TEKT5: variants seen among roughly 807,000 people sequenced by gnomAD.
TEKT5 encodes the protein tektin-5.
TEKT5 carries 52 observed loss-of-function variants against 48.7 expected under a neutral mutation model. The ratio of observed to expected loss-of-function variants is 1.07; its 90% CI spans 0.86 to 1.35. The LOEUF is 1.35. TEKT5 is among the 40% of genes most tolerant of loss of function. TEKT5 has a pLI of 0.00. For synonymous variants in TEKT5, 318 were observed against 267.6 expected, an observed-to-expected ratio of 1.19 and a Z score of -1.84; for missense variants, 831 against 641.6, an observed-to-expected ratio of 1.30 and a Z score of -3.19.
At chr16:10,641,055 T>A (rs1338673461) in intron 5 of TEKT5, among the ~76,000 whole-genome samples, 2 of 152,152 alleles carry the variant, frequency 1.3e-5, no homozygotes, top group Non-Finnish European at 2.9e-5. Context: ...ACTGTCAAAG[T>A]TTTCCCCCAG....
intron 5 of TEKT5, among the ~76,000 whole-genome samples, chr16:10,661,200 C>T (rs990786920): frequency 4.6e-5 from 7 of 152,152 alleles, no homozygotes; most frequent in Non-Finnish European, 1.0e-4. Context: ...GGGATTTGGC[C>T]CTTGGGGCTG....
At chr16:10,636,811 C>CATTATTATTATTATTATTATT (rs143109867) in intron 5 of TEKT5, among the ~76,000 whole-genome samples, 84 of 147,170 alleles carry the variant, frequency 5.7e-4, no homozygotes, top group African/African-American at 2.0e-3. Context: ...ATGTATTTTC[C>CATTATTATTATTATTATTATT]ATTATTATTA....
Position 10,694,292 on chromosome 16 carries a change from C to A in TEKT5, c.564+18G>T, listed in dbSNP as rs879164506. ...CCCCAGGACACAGCCACAGCCCTGT[C>A]CCCACCCCTGTACTCACCTGCAATG... On this transcript the variant is annotated intron_variant, in intron 1 of 6. Transcript: ENST00000283025. 3 of 1,555,412 alleles carry A rather than the reference C, an allele frequency of 1.9e-6. No individual in the cohort carries two copies. The highest frequency in any genetic ancestry group is 2.4e-5 in the South Asian group (2 of 81,672).
intron 6 of TEKT5, among the ~76,000 whole-genome samples, chr16:10,634,624 C>T (rs1897887466): frequency 6.6e-6 from 1 of 152,144 alleles, no homozygotes; most frequent in African/African-American, 2.4e-5. Context: ...TAAAGAAGAG[C>T]ATGCAGAAAG....
At chr16:10,691,373 G>A (rs1436352336) in intron 1 of TEKT5, 2 of 152,396 alleles carry the variant, frequency 1.3e-5, no homozygotes, top group Non-Finnish European at 2.9e-5. Flanking sequence ...CTGTGTGAAG[G>A]GCCAAGAGGA....
chr16:10,666,395 T>G (rs1329064127), intron 5 of TEKT5, among the ~76,000 whole-genome samples: 2 of 152,180 alleles, frequency 1.3e-5, no homozygotes, highest in African/African-American at 4.8e-5. Flanking sequence ...ACTACTGACA[T>G]TCAGGCCCAA....
rs1011918094 is a variant in TEKT5 at position 10,689,253 on chromosome 16, C to T, written c.719G>A (p.Arg240Gln). 1.1e-5 allele frequency: 17 copies of T among 1,602,764 alleles called. No homozygotes were observed. Among genetic ancestry groups the T allele is most frequent in the South Asian group, 3.4e-5 (3 of 88,114 alleles). Reference protein sequence around the residue: ...KLAQRIDIQMRDNRDAQHVLE... With the variant: ...KLAQRIDIQMQDNRDAQHVLE... Reference sequence around the variant, plus strand: ...AATTAAAAAAAAAAAAAGCCCTTACCGCATCTGGATATCAATTCTTTGAGC... The same window carrying T: ...AATTAAAAAAAAAAAAAGCCCTTACTGCATCTGGATATCAATTCTTTGAGC... Residue 240 changes from arginine to glutamine, a missense_variant and splice_region_variant, in exon 3 of 7, where the codon CGG becomes CAG. Arg to Gln is a conservative substitution (Grantham distance 43, BLOSUM62 1). Coordinates refer to ENST00000283025, the MANE Select transcript of TEKT5 (RefSeq NM_144674.2).
At chr16:10,686,801 C>A (rs1202646777) in intron 3 of TEKT5, among the ~76,000 whole-genome samples, 1 of 152,126 alleles carries the variant, frequency 6.6e-6, no homozygotes, top group Admixed American at 6.5e-5. Flanking sequence ...TATTGCGGCA[C>A]AATTTACGAT....
rs1379279890 is a variant in TEKT5 at position 10,643,571 on chromosome 16, C to T, written c.1087-7653G>A. 5.9e-5 allele frequency among the ~76,000 whole-genome samples: 9 copies of T among 151,986 alleles called. No homozygotes were observed. The East Asian group carries it at 1.7e-3, about 29-fold the overall frequency. On this transcript the variant is annotated intron_variant, in intron 5 of 6. Transcript: ENST00000283025. ...GTTAAGCCCTTGAATGTGGCTAGTG[C>T]AAATTGAGATGAGCCGTAAGTAAGC...
At chr16:10,664,496 A>C (rs1295030949) in intron 5 of TEKT5, among the ~76,000 whole-genome samples, 1 of 152,198 alleles carries the variant, frequency 6.6e-6, no homozygotes, top group Non-Finnish European at 1.5e-5. Context: ...ACTGGTCTGA[A>C]GACCTAACTT....
chr16:10,664,718 T>G (rs1343137175), intron 5 of TEKT5, among the ~76,000 whole-genome samples: 1 of 152,194 alleles, frequency 6.6e-6, no homozygotes, highest in Non-Finnish European at 1.5e-5. Context: ...TCTTATAGAT[T>G]AGGAAACAGA....
intron 5 of TEKT5, among the ~76,000 whole-genome samples, chr16:10,655,375 A>C (rs776386140): frequency 2.1e-4 from 32 of 152,170 alleles, no homozygotes; most frequent in Non-Finnish European, 3.5e-4. Context: ...CCCCCTATTC[A>C]ACCTTGTAAA....
At chr16:10,666,711 G>C (rs1429936259) in intron 5 of TEKT5, among the ~76,000 whole-genome samples, 1 of 152,228 alleles carries the variant, frequency 6.6e-6, no homozygotes, top group African/African-American at 2.4e-5. Flanking sequence ...TATGAAGCCA[G>C]GGATGGGGTG....
At chr16:10,663,455 G>C (rs1898408000) in intron 5 of TEKT5, among the ~76,000 whole-genome samples, 1 of 152,210 alleles carries the variant, frequency 6.6e-6, no homozygotes, top group African/African-American at 2.4e-5. Context: ...GAGATGCTTG[G>C]CTCAGTGCAG....
chr16:10,633,660 A>C (rs922269237), intron 6 of TEKT5, among the ~76,000 whole-genome samples: 10 of 152,174 alleles, frequency 6.6e-5, no homozygotes, highest in African/African-American at 2.4e-4. Context: ...CTTCTGCCTC[A>C]GCCTCCTGAG....
chr16:10,635,989 G>C (rs1400505947), intron 5 of TEKT5, 71 bp from the exon 6 acceptor site: 35 of 1,576,516 alleles, frequency 2.2e-5, no homozygotes, highest in Non-Finnish European at 2.8e-5. Flanking sequence ...GGCCTGGGGG[G>C]AGCAAGTCAG....
At chr16:10,629,079 G>A (rs1020130939) in intron 6 of TEKT5, among the ~76,000 whole-genome samples, 3 of 152,092 alleles carry the variant, frequency 2.0e-5, no homozygotes, top group Non-Finnish European at 4.4e-5. Context: ...GTTAACTGGT[G>A]GCTTCCAGAG....
intron 5 of TEKT5, among the ~76,000 whole-genome samples, chr16:10,645,751 A>C (rs140111659): frequency 0.01 from 1,566 of 152,306 alleles, 28 homozygotes; most frequent in African/African-American, 0.035. Flanking sequence ...GCAGGGAGCC[A>C]AGATCACACC....
intron 4 of TEKT5, among the ~76,000 whole-genome samples, chr16:10,676,833 G>A (rs565378560): frequency 1.3e-5 from 2 of 152,338 alleles, no homozygotes; most frequent in South Asian, 4.1e-4. Flanking sequence ...AGTGCCAGAG[G>A]AGGGAGATTG....
Sources: allele counts gnomAD v4.1 joint callset (sites outside exome capture counted in the v4.1 genomes callset), GRCh38; gene constraint gnomAD v4.1.1; transcripts MANE v1.5; gene names NCBI Gene and HGNC (gene_info 2026-07-23, HGNC 2026-07-21).